The following PLCXD3 variants were observed in gnomAD, a reference collection of about 807,000 sequenced individuals.
PLCXD3 encodes the protein PI-PLC X domain-containing protein 3.
A neutral mutation model predicts 25.5 loss-of-function variants in PLCXD3; 19 were observed. That is an observed-to-expected ratio of 0.75 (90% CI 0.52 to 1.09). The LOEUF (loss-of-function observed/expected upper bound fraction) is 1.09, where lower values mean the gene tolerates loss of function less well. Among genes scored for constraint, PLCXD3 ranks in the 50% least tolerant of loss-of-function variants. The pLI is 0.00. For synonymous variants in PLCXD3, 174 were observed against 137.6 expected, an observed-to-expected ratio of 1.26 and a Z score of -1.85; for missense variants, 411 against 388.1, an observed-to-expected ratio of 1.06 and a Z score of -0.50.
At chr5:41,457,181 T>C (rs1747771972) in intron 1 of PLCXD3, among the ~76,000 whole-genome samples, 1 of 151,994 alleles carries the variant, frequency 6.6e-6, no homozygotes, top group Non-Finnish European at 1.5e-5. Flanking sequence ...TAAGGAGCTG[T>C]TGACATCCAT....
At chr5:41,472,456 C>G (rs1302596357) in intron 1 of PLCXD3, among the ~76,000 whole-genome samples, 5 of 152,044 alleles carry the variant, frequency 3.3e-5, no homozygotes, top group Non-Finnish European at 5.9e-5. Flanking sequence ...TTTAAGGGGA[C>G]AAAGAAGAAG....
chr5:41,466,449 T>C (rs959265032), intron 1 of PLCXD3, among the ~76,000 whole-genome samples: 1 of 152,114 alleles, frequency 6.6e-6, no homozygotes, highest in African/African-American at 2.4e-5. Context: ...TATTTACTTA[T>C]GAGATACAAT....
chr5:41,504,727 A>G (rs893036995), intron 1 of PLCXD3, among the ~76,000 whole-genome samples: 4 of 152,224 alleles, frequency 2.6e-5, no homozygotes, highest in Non-Finnish European at 5.9e-5. Context: ...CAACTCTCCA[A>G]AGCTTTCCCA....
At chr5:41,360,652 G>A (rs1373603099) in intron 2 of PLCXD3, among the ~76,000 whole-genome samples, 1 of 152,194 alleles carries the variant, frequency 6.6e-6, no homozygotes, top group Non-Finnish European at 1.5e-5. Flanking sequence ...ACCCAGTGGA[G>A]CTACCAGGCT....
chr5:41,335,881 C>A (rs1743964570), intron 2 of PLCXD3, among the ~76,000 whole-genome samples: 1 of 152,104 alleles, frequency 6.6e-6, no homozygotes, highest in Non-Finnish European at 1.5e-5. Context: ...GTCCATAAAG[C>A]CTCCTTTGGC....
At chr5:41,381,739 G>A in intron 2 of PLCXD3, 87 bp downstream of exon 2, 1 of 1,258,626 alleles carries the variant, frequency 7.9e-7, no homozygotes, top group Non-Finnish European at 1.1e-6. Context: ...ATATACATAG[G>A]TATAATTTCA....
chr5:41,440,148 G>C (rs147981828), intron 1 of PLCXD3, among the ~76,000 whole-genome samples: 1 of 145,708 alleles, frequency 6.9e-6, no homozygotes, highest in African/African-American at 2.5e-5. Context: ...TCAGATCTTA[G>C]CTCCGTCAGA....
intron 2 of PLCXD3, among the ~76,000 whole-genome samples, chr5:41,342,361 A>G (rs1744176138): frequency 6.6e-6 from 1 of 152,156 alleles, no homozygotes; most frequent in South Asian, 2.1e-4. Flanking sequence ...TTCTAGTTTA[A>G]TCTAGAAAAC....
chr5:41,350,615 A>T (rs945960545), intron 2 of PLCXD3, among the ~76,000 whole-genome samples: 8 of 152,252 alleles, frequency 5.3e-5, no homozygotes, highest in Non-Finnish European at 7.3e-5. Context: ...ACAATAGGGT[A>T]TTCTGAGCAT....
At chr5:41,414,312 G>A (rs779473062) in intron 1 of PLCXD3, among the ~76,000 whole-genome samples, 7 of 151,820 alleles carry the variant, frequency 4.6e-5, no homozygotes, top group Admixed American at 6.6e-5. Flanking sequence ...TCGGCTCACC[G>A]CAACCTCCGC....
intron 1 of PLCXD3, among the ~76,000 whole-genome samples, chr5:41,495,139 C>T (rs763795759): frequency 2.6e-5 from 4 of 152,362 alleles, no homozygotes; most frequent in Middle Eastern, 3.4e-3. Flanking sequence ...GTCCCTCCTT[C>T]CAGCAGAGTC....
intron 2 of PLCXD3, among the ~76,000 whole-genome samples, chr5:41,349,121 T>C (rs1744382739): frequency 1.3e-5 from 2 of 152,192 alleles, no homozygotes; most frequent in African/African-American, 2.4e-5. Context: ...TATCCATGTG[T>C]TACAAGTTCT....
At chr5:41,444,637 T>C (rs1382584631) in intron 1 of PLCXD3, among the ~76,000 whole-genome samples, 1 of 152,176 alleles carries the variant, frequency 6.6e-6, no homozygotes, top group African/African-American at 2.4e-5. Context: ...TAATAAAAGA[T>C]GACACATTTT....
intron 1 of PLCXD3, among the ~76,000 whole-genome samples, chr5:41,490,691 A>T (rs947987999): frequency 5.9e-5 from 9 of 152,026 alleles, no homozygotes; most frequent in African/African-American, 2.2e-4. Flanking sequence ...GAATTTATCC[A>T]TTTCTTCTAG....
At chr5:41,322,108 A>G (rs1743489451) in intron 2 of PLCXD3, among the ~76,000 whole-genome samples, 1 of 152,258 alleles carries the variant, frequency 6.6e-6, no homozygotes, top group African/African-American at 2.4e-5. Flanking sequence ...AGGCTTCTGC[A>G]CAGTGAAGGA....
chr5:41,431,408 T>A (rs928674639), intron 1 of PLCXD3, among the ~76,000 whole-genome samples: 2 of 152,238 alleles, frequency 1.3e-5, no homozygotes, highest in South Asian at 4.1e-4. Context: ...CACATTCTTA[T>A]GTATTACTTA....
chr5:41,485,055 A>G lies in PLCXD3; in HGVS notation c.103+25369T>C, dbSNP rs148786601. Among the ~76,000 whole-genome samples the G allele has an allele frequency of 4.5e-3, 685 of 152,296 alleles. 8 individuals are homozygous for G. The highest frequency in any genetic ancestry group is 0.016 in the African/African-American group (654 of 41,568). ...AGTTGGTCAAGAATTTGCTAGATTA[A>G]CTCATAACTCATTCATTGAGAACTT... is the stretch of plus-strand genomic sequence containing the variant. On this transcript the variant is annotated intron_variant, in intron 1 of 2. Transcript: ENST00000377801.
chr5:41,397,274 C>T (rs962745413), intron 1 of PLCXD3, among the ~76,000 whole-genome samples: 1 of 152,186 alleles, frequency 6.6e-6, no homozygotes, highest in African/African-American at 2.4e-5. Context: ...GTATTGGGAC[C>T]TGGAGCACTG....
At chr5:41,318,554 T>C (rs1379013583) in intron 2 of PLCXD3, among the ~76,000 whole-genome samples, 1 of 152,152 alleles carries the variant, frequency 6.6e-6, no homozygotes, top group Non-Finnish European at 1.5e-5. Context: ...AAGATGGTAT[T>C]TGCACACTTC....
Sources: allele counts gnomAD v4.1 joint callset (sites outside exome capture counted in the v4.1 genomes callset), GRCh38; gene constraint gnomAD v4.1.1; transcripts MANE v1.5; gene names NCBI Gene and HGNC (gene_info 2026-07-23, HGNC 2026-07-21).